Variants in C22orf23 observed in about 807,000 individuals in gnomAD.
C22orf23 encodes the protein chromosome 22 open reading frame 23.
Under a neutral mutation model 29.7 loss-of-function variants are expected in C22orf23, and 30 were observed. The observed-to-expected ratio is 1.01, with a 90% CI of 0.76 to 1.37. The LOEUF (loss-of-function observed/expected upper bound fraction) is 1.37, where lower values mean the gene tolerates loss of function less well. C22orf23 is among the 40% of genes most tolerant of loss of function. The pLI, the probability that C22orf23 is intolerant of heterozygous loss-of-function variation, is 0.00. For missense variants in C22orf23, 237 were observed against 273.1 expected (o/e 0.87, Z 0.93); for synonymous variants, 90 against 96.1 (o/e 0.94, Z 0.37).
In C22orf23 at chr22:37,947,313, TAG is replaced by T; in HGVS notation, c.315_316del (p.Tyr106GlnfsTer48). The T allele has an allele frequency of 6.2e-7, 1 of 1,613,906 alleles. No individual in the cohort carries two copies. Among genetic ancestry groups the T allele is most frequent in the Non-Finnish European group, 8.5e-7 (1 of 1,179,994 alleles). On this transcript the variant is annotated frameshift_variant, in exon 4 of 7. Coordinates refer to ENST00000403305, the MANE Select transcript of C22orf23 (RefSeq NM_032561.5). LOFTEE classifies it high-confidence loss of function. Reference sequence around the variant, plus strand: ...TTGAGGCTTGAACTGCTCCCGGCTGTAGGCCCCATTGGCTTGACACATGTTGG... The same window carrying T: ...TTGAGGCTTGAACTGCTCCCGGCTGTGCCCCATTGGCTTGACACATGTTGG...
chr22:37,953,023 G>T (rs73415814), intron 2 of C22orf23, 24 bp downstream of exon 2: 49 of 1,574,606 alleles, frequency 3.1e-5, no homozygotes, highest in African/African-American at 6.8e-5. Context: ...AAAAAGGCTG[G>T]GATCGCTGCT....
At position 37,949,423 on chromosome 22, in the gene C22orf23, A is replaced by G. The variant is rs1181522603; in HGVS notation, c.167-1960T>C. ...CTCAGTCTCCTGAGTAGCTGGGATT[A>G]TGGTGTGTGCCACCACGCCTGGCTA... On this transcript the variant is annotated intron_variant, in intron 3 of 6. Coordinates refer to ENST00000403305, the MANE Select transcript of C22orf23 (RefSeq NM_032561.5). Among the ~76,000 whole-genome samples the G allele has an allele frequency of 1.5e-5, 2 of 134,512 alleles. 1 individual carries two copies. Among genetic ancestry groups the G allele is most frequent in the African/African-American group, 5.6e-5 (2 of 35,932 alleles). 88.2% of individuals were successfully genotyped at this position (134,512 alleles called of 152,430 possible).
In C22orf23 at chr22:37,947,250, G is replaced by A. The variant is rs367959211; in HGVS notation, c.349+31C>T. 7 of 1,612,894 alleles carry A rather than the reference G, an allele frequency of 4.3e-6. No homozygotes were observed. In the South Asian group the frequency reaches 6.6e-5, roughly 15 times the overall value. On this transcript the variant is annotated intron_variant, in intron 4 of 6. Transcript: ENST00000403305. ...TCCCTTGTCCTCCCCCAGGGAGATG[G>A]AGAAAGGCCCTAGCTGAGACCCTCA... is the stretch of plus-strand genomic sequence containing the variant.
At chr22:37,948,288 A>G (rs2145700825) in intron 3 of C22orf23, among the ~76,000 whole-genome samples, 1 of 152,112 alleles carries the variant, frequency 6.6e-6, no homozygotes, top group South Asian at 2.1e-4. Flanking sequence ...TGTCTAAAGA[A>G]AAACAAAAAA....
In C22orf23 at chr22:37,944,086, G is replaced by T; in HGVS notation, c.*89C>A. 2 of 1,227,984 alleles carry T rather than the reference G, an allele frequency of 1.6e-6. No individual in the cohort carries two copies. The highest frequency in any genetic ancestry group is 2.4e-6 in the Non-Finnish European group (2 of 828,160). The allele number at this position is 1,227,984 out of a possible 1,614,324, so 76.1% of individuals were successfully genotyped here. ...ACCTGACGTGGCAGAAGGCTGGTAG[G>T]ATGGGCTGGCCTGAGGATGGCCCTG... On this transcript the variant is annotated 3_prime_UTR_variant, in exon 7 of 7. Coordinates refer to ENST00000403305, the MANE Select transcript of C22orf23 (RefSeq NM_032561.5).
chr22:37,944,305 C>T, intron 6 of C22orf23, 59 bp from the exon 7 acceptor site: 1 of 1,613,850 alleles, frequency 6.2e-7, no homozygotes, highest in Non-Finnish European at 8.5e-7. Flanking sequence ...GGAGCTGTCA[C>T]AGCAGTGAGC....
At position 37,952,383 on chromosome 22, in the gene C22orf23, A is replaced by G. The variant is rs567142334; in HGVS notation, c.103+664T>C. ...AGTGAAGGAAAATGTGTGAGGGCAC[A>G]TAACAGTTGATCCTACTGTGGTGGT... On this transcript the variant is annotated intron_variant, in intron 2 of 6. Coordinates refer to ENST00000403305, the MANE Select transcript of C22orf23 (RefSeq NM_032561.5). 5.9e-5 allele frequency among the ~76,000 whole-genome samples: 9 copies of G among 152,306 alleles called. No homozygotes were observed. In the East Asian group the frequency reaches 1.5e-3, roughly 26 times the overall value.
chr22:37,947,566 A>G, intron 3 of C22orf23, 103 bp from the exon 4 acceptor site: 1 of 997,450 alleles, frequency 1.0e-6, no homozygotes. Flanking sequence ...GCTGGAGTGC[A>G]GCGGCGCGAT....
At chr22:37,950,482 C>G (rs1047633966) in intron 3 of C22orf23, among the ~76,000 whole-genome samples, 2 of 152,080 alleles carry the variant, frequency 1.3e-5, no homozygotes, top group African/African-American at 4.8e-5. Flanking sequence ...ACTCGGTCGC[C>G]CAGGCTGGAG....
chr22:37,950,612 A>T (rs537391729), intron 3 of C22orf23, among the ~76,000 whole-genome samples: 3 of 151,854 alleles, frequency 2.0e-5, no homozygotes, highest in African/African-American at 4.8e-5. Flanking sequence ...GGCTAATTTT[A>T]AAAAATTTTG....
Position 37,951,472 on chromosome 22 carries a change from C to G in C22orf23, c.154G>C (p.Asp52His). ...GACTGCCCCTTACTTTTCATGATGT[C>G]CATGATGTGGCGCTGCTGGATGTTC... ...LTNIQQRHIMDIMKRGDALPL... is the reference protein window; with the variant it reads ...LTNIQQRHIMHIMKRGDALPL... The change falls in exon 3 of 7, where the codon GAC becomes CAC. Residue 52 changes from aspartate to histidine, a missense_variant. Coordinates refer to ENST00000403305, the MANE Select transcript of C22orf23 (RefSeq NM_032561.5). The G allele has an allele frequency of 6.2e-7, 1 of 1,614,016 alleles. No individual in the cohort carries two copies. The highest frequency in any genetic ancestry group is 8.5e-7 in the Non-Finnish European group (1 of 1,179,956).
intron 1 of C22orf23, 71 bp downstream of exon 1, chr22:37,953,377 G>A: frequency 3.5e-6 from 2 of 576,336 alleles, no homozygotes; most frequent in East Asian, 2.9e-5. Context: ...AAGTCTCCTC[G>A]GGAGGGAGTG....
intron 2 of C22orf23, among the ~76,000 whole-genome samples, chr22:37,952,000 A>G (rs1931071795): frequency 6.6e-6 from 1 of 151,530 alleles, no homozygotes; most frequent in African/African-American, 2.4e-5. Flanking sequence ...CTTTTAGTAG[A>G]GACTGGGTTT....
intron 3 of C22orf23, 52 bp downstream of exon 3, chr22:37,951,408 A>G: frequency 1.3e-6 from 2 of 1,498,374 alleles, no homozygotes; most frequent in Admixed American, 1.7e-5. Context: ...AAGCATTAAA[A>G]GTGTGGCCCC....
intron 3 of C22orf23, among the ~76,000 whole-genome samples, chr22:37,949,658 C>T (rs1930903301): frequency 6.6e-6 from 1 of 151,474 alleles, no homozygotes; most frequent in South Asian, 2.1e-4. Context: ...GGAGTTTCAC[C>T]ATGTTGGCCA....
chr22:37,950,815 A>C (rs1388832928), intron 3 of C22orf23: 1 of 152,290 alleles, frequency 6.6e-6, no homozygotes, highest in Non-Finnish European at 1.5e-5. Flanking sequence ...CTGAGGCAGG[A>C]GAATTGCCTG....
intron 5 of C22orf23, 181 bp from the exon 6 acceptor site, chr22:37,944,698 A>G (rs2145688153): frequency 1.7e-6 from 1 of 594,122 alleles, no homozygotes; most frequent in Non-Finnish European, 3.0e-6. Flanking sequence ...CAGGAGTTCG[A>G]GACCAGCCTG....
intron 3 of C22orf23, 193 bp downstream of exon 3, chr22:37,951,267 G>A: frequency 1.9e-6 from 1 of 534,604 alleles, no homozygotes; most frequent in Non-Finnish European, 3.3e-6. Flanking sequence ...CGTTGCCCGG[G>A]CTGGTCTTGA....
chr22:37,951,583 CCCTACTGAAATTTAAAACCCTACAT>C lies in C22orf23; in HGVS notation c.104-86_104-62del, dbSNP rs563655560. On this transcript the variant is annotated intron_variant, in intron 2 of 6. Coordinates refer to ENST00000403305, the MANE Select transcript of C22orf23 (RefSeq NM_032561.5). ...TGCAGGCGGATGCCTTCACCTGACA[CCCTACTGAAATTTAAAACCCTACAT>C]CCTAGCCCCATTCTGCACTGAGCAT... 7.6e-3 allele frequency: 11,054 copies of C among 1,445,728 alleles called. 45 individuals are homozygous for C. Among genetic ancestry groups the C allele is most frequent in the Non-Finnish European group, 9.8e-3 (10,079 of 1,028,066 alleles). 89.6% of individuals were successfully genotyped at this position (1,445,728 alleles called of 1,614,324 possible).
Sources: allele counts gnomAD v4.1 joint callset (sites outside exome capture counted in the v4.1 genomes callset), GRCh38; gene constraint gnomAD v4.1.1; transcripts MANE v1.5; gene names NCBI Gene and HGNC (gene_info 2026-07-23, HGNC 2026-07-21).